The following TSHZ2 variants were observed in gnomAD, a reference collection of about 807,000 sequenced individuals.
TSHZ2 encodes teashirt zinc finger homeobox 2.
TSHZ2 carries 21 observed loss-of-function variants against 74.4 expected under a neutral mutation model. That is an observed-to-expected ratio of 0.28 (90% CI 0.20 to 0.41). The LOEUF (loss-of-function observed/expected upper bound fraction) is 0.41, where lower values mean the gene tolerates loss of function less well. TSHZ2 is among the 10% of genes least tolerant of loss of function. The pLI, the probability that TSHZ2 is intolerant of heterozygous loss-of-function variation, is 1.00. For synonymous variants in TSHZ2, 540 were observed against 515.3 expected (o/e 1.05, Z -0.65); for missense variants, 1,244 against 1,293.5 (o/e 0.96, Z 0.59).
intron 1 of TSHZ2, among the ~76,000 whole-genome samples, chr20:53,092,104 A>T (rs1374136040): frequency 1.3e-5 from 2 of 152,088 alleles, no homozygotes; most frequent in Non-Finnish European, 2.9e-5. Flanking sequence ...GTTTTGGAAG[A>T]AACTACTGAC....
intron 1 of TSHZ2, among the ~76,000 whole-genome samples, chr20:53,060,226 T>C (rs769843024): frequency 6.6e-6 from 1 of 152,218 alleles, no homozygotes; most frequent in Non-Finnish European, 1.5e-5. Context: ...CCTCACTGAA[T>C]TTTATGAAGG....
At chr20:53,277,472 CA>C (rs1056846004) in intron 2 of TSHZ2, among the ~76,000 whole-genome samples, 4 of 147,770 alleles carry the variant, frequency 2.7e-5, no homozygotes, top group South Asian at 2.2e-4. Flanking sequence ...AAAAAAAAAA[CA>C]AGGAATATAA....
At chr20:53,206,700 A>C (rs1989178150) in intron 1 of TSHZ2, 1 of 152,212 alleles carries the variant, frequency 6.6e-6, no homozygotes, top group African/African-American at 2.4e-5. Context: ...ACACTGTCAG[A>C]GCACGAGACC....
At chr20:53,176,074 C>G (rs756580899) in intron 1 of TSHZ2, among the ~76,000 whole-genome samples, 2 of 152,224 alleles carry the variant, frequency 1.3e-5, no homozygotes, top group Non-Finnish European at 2.9e-5. Context: ...GAGTTAAATT[C>G]CCTCCTTGCT....
Position 53,290,512 on chromosome 20 carries a change from G to A in TSHZ2, c.*8+33941G>A, listed in dbSNP as rs1991259145. ...TAAAAGACACAGGTTCTCATCTCCA[G>A]GAGTTCACTGTTTATTGGGGAATAA... On this transcript the variant is annotated intron_variant, in intron 2 of 2. Transcript: ENST00000371497. Among the ~76,000 whole-genome samples the A allele has an allele frequency of 2.6e-5, 4 of 152,146 alleles. No homozygotes were observed. In the South Asian group the frequency reaches 8.3e-4, roughly 32 times the overall value.
intron 1 of TSHZ2, among the ~76,000 whole-genome samples, chr20:53,199,885 T>TA (rs770483998): frequency 4.3e-4 from 65 of 152,358 alleles, no homozygotes; most frequent in Middle Eastern, 3.4e-3. Flanking sequence ...CAGTGGTTTC[T>TA]ATGGCACAGG....
chr20:52,989,381 G>C (rs973649185), intron 1 of TSHZ2, among the ~76,000 whole-genome samples: 2 of 152,072 alleles, frequency 1.3e-5, no homozygotes, highest in African/African-American at 4.8e-5. Flanking sequence ...TAACATTAAT[G>C]TTTTCTTTGT....
At chr20:53,308,267 T>G (rs892033396) in intron 2 of TSHZ2, among the ~76,000 whole-genome samples, 1 of 152,232 alleles carries the variant, frequency 6.6e-6, no homozygotes, top group Admixed American at 6.5e-5. Flanking sequence ...GTCTCTGCTT[T>G]CTTTCTTTGA....
intron 1 of TSHZ2, among the ~76,000 whole-genome samples, chr20:53,031,979 A>C (rs1275116295): frequency 6.6e-6 from 1 of 152,172 alleles, no homozygotes; most frequent in Non-Finnish European, 1.5e-5. Flanking sequence ...GAGAGAAAGA[A>C]AGAAAGAAAT....
At chr20:53,288,755 G>A (rs917453001) in intron 2 of TSHZ2, among the ~76,000 whole-genome samples, 1 of 152,154 alleles carries the variant, frequency 6.6e-6, no homozygotes, top group Non-Finnish European at 1.5e-5. Flanking sequence ...GTGCTAAGAA[G>A]AGAAAAAGAA....
chr20:53,053,019 C>T (rs1463492832), intron 1 of TSHZ2, among the ~76,000 whole-genome samples: 1 of 152,086 alleles, frequency 6.6e-6, no homozygotes, highest in South Asian at 2.1e-4. Context: ...ACTTCATATC[C>T]TTTAGCATTC....
intron 1 of TSHZ2, among the ~76,000 whole-genome samples, chr20:53,227,472 AC>A (rs1989711743): frequency 6.7e-6 from 1 of 149,618 alleles, no homozygotes; most frequent in African/African-American, 2.5e-5. Context: ...AAACACACAC[AC>A]ACACACACAC....
chr20:53,084,107 A>G (rs1169090444), intron 1 of TSHZ2, among the ~76,000 whole-genome samples: 3 of 152,248 alleles, frequency 2.0e-5, no homozygotes, highest in Non-Finnish European at 2.9e-5. Context: ...GATCACTTCC[A>G]TAACTACAAA....
intron 2 of TSHZ2, among the ~76,000 whole-genome samples, chr20:53,271,208 A>G (rs553930172): frequency 1.3e-5 from 2 of 152,278 alleles, no homozygotes; most frequent in African/African-American, 2.4e-5. Context: ...GGGGAAAAAC[A>G]TGGGTCCTGG....
chr20:53,462,048 A>T (rs1052457942), intron 2 of TSHZ2, among the ~76,000 whole-genome samples: 3 of 152,250 alleles, frequency 2.0e-5, no homozygotes, highest in Admixed American at 1.3e-4. Context: ...CCTGGCCAAC[A>T]TAAAGAAACC....
At chr20:53,291,831 T>A (rs1319871576) in intron 2 of TSHZ2, among the ~76,000 whole-genome samples, 1 of 152,200 alleles carries the variant, frequency 6.6e-6, no homozygotes, top group Non-Finnish European at 1.5e-5. Context: ...AAGCCCTACG[T>A]TGGTACATTT....
intron 2 of TSHZ2, among the ~76,000 whole-genome samples, chr20:53,320,742 C>T (rs1156349121): frequency 6.6e-6 from 1 of 152,036 alleles, no homozygotes; most frequent in Non-Finnish European, 1.5e-5. Flanking sequence ...AATTGTCCTA[C>T]TCAACTACCT....
At chr20:53,037,497 G>C (rs1983864453) in intron 1 of TSHZ2, among the ~76,000 whole-genome samples, 1 of 152,144 alleles carries the variant, frequency 6.6e-6, no homozygotes, top group South Asian at 2.1e-4. Context: ...AAATTCTATA[G>C]ATCTTCAAAT....
intron 2 of TSHZ2, among the ~76,000 whole-genome samples, chr20:53,281,492 C>G (rs961866833): frequency 6.6e-6 from 1 of 152,132 alleles, no homozygotes; most frequent in Non-Finnish European, 1.5e-5. Flanking sequence ...CAAAAGCAGC[C>G]ATAGGTGATA....
Sources: allele counts gnomAD v4.1 joint callset (sites outside exome capture counted in the v4.1 genomes callset), GRCh38; gene constraint gnomAD v4.1.1; transcripts MANE v1.5; gene names NCBI Gene and HGNC (gene_info 2026-07-23, HGNC 2026-07-21).